Variants in PCSK5 observed in about 807,000 individuals in gnomAD.
PCSK5 encodes the protein proprotein convertase subtilisin/kexin type 5, also known as prohormone convertase 5.
A neutral mutation model predicts 233.2 loss-of-function variants in PCSK5; 129 were observed. That is an observed-to-expected ratio of 0.55 (90% CI 0.48 to 0.64). The LOEUF (loss-of-function observed/expected upper bound fraction) is 0.64, where lower values mean the gene tolerates loss of function less well. Ranked by LOEUF, PCSK5 falls within the 30% of genes least tolerant of loss-of-function variation. The pLI is 0.00. For synonymous variants in PCSK5, 825 were observed against 879.2 expected (o/e 0.94, Z 1.09); for missense variants, 2,076 against 2,430.1 (o/e 0.85, Z 3.06).
At chr9:76,223,380 C>T (rs1825790934) in intron 20 of PCSK5, among the ~76,000 whole-genome samples, 1 of 152,188 alleles carries the variant, frequency 6.6e-6, no homozygotes, top group Non-Finnish European at 1.5e-5. Flanking sequence ...ACTTTGGATG[C>T]TATGATACAT....
intron 27 of PCSK5, among the ~76,000 whole-genome samples, 161 bp downstream of exon 27, chr9:76,297,026 G>C (rs1174605158): frequency 1.3e-5 from 2 of 152,306 alleles, no homozygotes; most frequent in African/African-American, 4.8e-5. Context: ...GAGTCTCTCT[G>C]ATGCTTGCAG....
chr9:76,169,434 T>C (rs1823233213), intron 12 of PCSK5, among the ~76,000 whole-genome samples: 1 of 152,052 alleles, frequency 6.6e-6, no homozygotes, highest in Admixed American at 6.6e-5. Flanking sequence ...GGTAGAGTCT[T>C]AACCTGGTTT....
chr9:76,322,599 C>T (rs759786249), intron 31 of PCSK5, among the ~76,000 whole-genome samples: 1 of 152,192 alleles, frequency 6.6e-6, no homozygotes. Flanking sequence ...TCACACTGAT[C>T]AATCCTGTAT....
At chr9:76,292,342 C>T in intron 25 of PCSK5, 67 bp downstream of exon 25, 4 of 1,005,030 alleles carry the variant, frequency 4.0e-6, no homozygotes, top group Non-Finnish European at 6.3e-6. Flanking sequence ...ACATAATCCT[C>T]AATCCAGCGA....
chr9:76,338,505 C>T lies in PCSK5; in HGVS notation c.4966+58C>T. Reference sequence around the variant, plus strand: ...GTAGAAAAATGAAAAGGTTTTCTTCCTTATTTGCCCCTTTCTCTCTTCTCA... The same window carrying T: ...GTAGAAAAATGAAAAGGTTTTCTTCTTTATTTGCCCCTTTCTCTCTTCTCA... On this transcript the variant is annotated intron_variant, in intron 35 of 37. Transcript: ENST00000674117. The T allele has an allele frequency of 3.2e-6, 4 of 1,248,210 alleles. No homozygotes were observed. The Admixed American group carries it at 5.7e-5, about 18-fold the overall frequency. The allele number at this position is 1,248,210 out of a possible 1,614,324, so 77.3% of individuals were successfully genotyped here. A position where few individuals can be genotyped will look rare whatever the true frequency, so the allele number is the denominator to read the frequency against.
At chr9:76,216,677 C>G (rs895370726) in intron 20 of PCSK5, among the ~76,000 whole-genome samples, 4 of 152,106 alleles carry the variant, frequency 2.6e-5, no homozygotes, top group Admixed American at 2.6e-4. Flanking sequence ...AAGGGGGCTG[C>G]CATTTCCTGA....
chr9:75,925,464 G>A (rs1453588844), intron 1 of PCSK5, among the ~76,000 whole-genome samples: 1 of 152,190 alleles, frequency 6.6e-6, no homozygotes, highest in African/African-American at 2.4e-5. Context: ...ATCCAGCAGT[G>A]AATAAAACAA....
At chr9:76,050,736 G>A (rs2131555781) in intron 5 of PCSK5, among the ~76,000 whole-genome samples, 1 of 152,238 alleles carries the variant, frequency 6.6e-6, no homozygotes, top group East Asian at 1.9e-4. Context: ...GTGGTCTTAG[G>A]TTCCATTAAT....
chr9:76,199,809 G>A (rs1824850554), intron 20 of PCSK5, among the ~76,000 whole-genome samples: 3 of 151,988 alleles, frequency 2.0e-5, no homozygotes, highest in African/African-American at 2.4e-5. Context: ...CTTCCCTCAA[G>A]ATTCACACCT....
At chr9:75,920,248 C>T (rs1434010883) in intron 1 of PCSK5, among the ~76,000 whole-genome samples, 1 of 152,152 alleles carries the variant, frequency 6.6e-6, no homozygotes, top group East Asian at 1.9e-4. Context: ...CTCAGAGTGA[C>T]AGGGTCATAA....
At chr9:76,281,594 A>G (rs1047640768) in intron 24 of PCSK5, among the ~76,000 whole-genome samples, 9 of 152,202 alleles carry the variant, frequency 5.9e-5, no homozygotes, top group Non-Finnish European at 1.0e-4. Flanking sequence ...TTGTTTTCAT[A>G]CCTGCTAACA....
At chr9:75,999,741 A>T (rs531298022) in intron 3 of PCSK5, among the ~76,000 whole-genome samples, 1 of 152,196 alleles carries the variant, frequency 6.6e-6, no homozygotes, top group Non-Finnish European at 1.5e-5. Flanking sequence ...GTTTATGGCC[A>T]GTTTTGGGGC....
At chr9:76,294,039 A>G (rs1442811951) in intron 25 of PCSK5, among the ~76,000 whole-genome samples, 1 of 152,170 alleles carries the variant, frequency 6.6e-6, no homozygotes, top group East Asian at 1.9e-4. Flanking sequence ...TCTACTAAAA[A>G]TACAAAAATT....
At chr9:75,904,657 G>A (rs987463367) in intron 1 of PCSK5, among the ~76,000 whole-genome samples, 6 of 152,300 alleles carry the variant, frequency 3.9e-5, no homozygotes, top group Non-Finnish European at 7.3e-5. Context: ...TGAGAATGTG[G>A]AGAAATTGCA....
chr9:76,059,764 A>AT (rs908831659), intron 5 of PCSK5, among the ~76,000 whole-genome samples: 1 of 152,166 alleles, frequency 6.6e-6, no homozygotes, highest in African/African-American at 2.4e-5. Flanking sequence ...CTAGAAAGAA[A>AT]TTTTTTAAAT....
chr9:76,173,987 C>T (rs1351811199), intron 13 of PCSK5, among the ~76,000 whole-genome samples: 1 of 151,862 alleles, frequency 6.6e-6, no homozygotes, highest in African/African-American at 2.4e-5. Flanking sequence ...AAAGAAAATG[C>T]TGTTTTGCAC....
chr9:76,096,330 G>A (rs1335655495), intron 8 of PCSK5, among the ~76,000 whole-genome samples: 2 of 152,146 alleles, frequency 1.3e-5, no homozygotes, highest in Non-Finnish European at 2.9e-5. Flanking sequence ...TGTGGACTTA[G>A]ATGTTATTAA....
chr9:76,276,649 C>T (rs1827696513), intron 24 of PCSK5, among the ~76,000 whole-genome samples: 1 of 152,160 alleles, frequency 6.6e-6, no homozygotes, highest in South Asian at 2.1e-4. Flanking sequence ...AATCTCTACT[C>T]AGATGTCAAT....
chr9:76,129,916 TGAAAACTA>T (rs754926902), intron 9 of PCSK5, among the ~76,000 whole-genome samples: 18 of 152,124 alleles, frequency 1.2e-4, no homozygotes, highest in Non-Finnish European at 2.5e-4. Flanking sequence ...TTTTTGCAGC[TGAAAACTA>T]GAAAACTAGA....
Sources: allele counts gnomAD v4.1 joint callset (sites outside exome capture counted in the v4.1 genomes callset), GRCh38; gene constraint gnomAD v4.1.1; transcripts MANE v1.5; gene names NCBI Gene and HGNC (gene_info 2026-07-23, HGNC 2026-07-21).